The following PLXDC2 variants were observed in gnomAD, a reference collection of about 807,000 sequenced individuals.
The protein encoded by PLXDC2 is plexin domain containing 2, also known as plexin domain-containing protein 2.
A neutral mutation model predicts 68.9 loss-of-function variants in PLXDC2; 40 were observed. That is an observed-to-expected ratio of 0.58 (90% CI 0.45 to 0.76). The LOEUF (loss-of-function observed/expected upper bound fraction) is 0.76, where lower values mean the gene tolerates loss of function less well. Among genes scored for constraint, PLXDC2 ranks in the 30% least tolerant of loss-of-function variants. PLXDC2 has a pLI of 0.00. For missense variants in PLXDC2, 644 were observed against 661.9 expected, an observed-to-expected ratio of 0.97 and a Z score of 0.30; for synonymous variants, 243 against 234.2, an observed-to-expected ratio of 1.04 and a Z score of -0.34.
At chr10:20,173,155 T>C (rs10508616) in intron 7 of PLXDC2, among the ~76,000 whole-genome samples, 19,584 of 152,186 alleles carry the variant, frequency 0.13, 1,658 homozygotes, top group East Asian at 0.29. Context: ...TACAGGCTAT[T>C]TCCATTAAAG....
chr10:20,009,943 G>A (rs1835084372), intron 2 of PLXDC2, among the ~76,000 whole-genome samples: 1 of 151,962 alleles, frequency 6.6e-6, no homozygotes, highest in African/African-American at 2.4e-5. Flanking sequence ...GAAAAGATGA[G>A]TTAAATTTAG....
intron 1 of PLXDC2, among the ~76,000 whole-genome samples, chr10:19,932,684 G>A (rs575826960): frequency 2.2e-4 from 33 of 152,234 alleles, no homozygotes; most frequent in African/African-American, 4.8e-4. Flanking sequence ...TCTTTGGATC[G>A]ATTATCCTCA....
chr10:20,082,113 A>C (rs551437128), intron 4 of PLXDC2, among the ~76,000 whole-genome samples: 1 of 151,118 alleles, frequency 6.6e-6, no homozygotes, highest in East Asian at 1.9e-4. Flanking sequence ...GCTAAGAGGA[A>C]CATAAGGAAA....
chr10:20,023,200 A>G (rs1015858413), intron 2 of PLXDC2, among the ~76,000 whole-genome samples: 8 of 151,528 alleles, frequency 5.3e-5, no homozygotes, highest in African/African-American at 7.3e-5. Context: ...AAGCATTAAA[A>G]AGAAATAAAA....
chr10:20,224,999 A>C (rs1253157864), intron 12 of PLXDC2, among the ~76,000 whole-genome samples: 3 of 152,172 alleles, frequency 2.0e-5, no homozygotes, highest in Non-Finnish European at 4.4e-5. Flanking sequence ...GAGATACCAA[A>C]GTTGATATGT....
chr10:19,918,043 C>T (rs1833400076), intron 1 of PLXDC2, among the ~76,000 whole-genome samples: 1 of 152,174 alleles, frequency 6.6e-6, no homozygotes, highest in African/African-American at 2.4e-5. Context: ...TCACTGCATT[C>T]AGCAGTTTTG....
chr10:20,186,427 A>T (rs1183292690), intron 9 of PLXDC2, among the ~76,000 whole-genome samples: 1 of 151,846 alleles, frequency 6.6e-6, no homozygotes, highest in African/African-American at 2.4e-5. Flanking sequence ...TTTAACTTTT[A>T]TTTTAGGTAA....
intron 13 of PLXDC2, among the ~76,000 whole-genome samples, chr10:20,278,042 A>G (rs1836031128): frequency 6.6e-6 from 1 of 152,200 alleles, no homozygotes; most frequent in Non-Finnish European, 1.5e-5. Flanking sequence ...TTAAGGCTGA[A>G]GAGTACTCCT....
intron 6 of PLXDC2, among the ~76,000 whole-genome samples, chr10:20,149,289 A>G (rs1349433765): frequency 3.6e-5 from 4 of 111,432 alleles, no homozygotes; most frequent in African/African-American, 1.4e-4. Flanking sequence ...CCCAGGCTGG[A>G]GTGCAATGGC....
At chr10:19,890,902 C>G (rs1383671712) in intron 1 of PLXDC2, among the ~76,000 whole-genome samples, 1 of 151,890 alleles carries the variant, frequency 6.6e-6, no homozygotes, top group African/African-American at 2.4e-5. Flanking sequence ...CTTGTAGAAG[C>G]CTAGAATACA....
In PLXDC2 at chr10:19,982,388, A is replaced by G. The variant is rs78659476; in HGVS notation, c.113-19387A>G. Among the ~76,000 whole-genome samples the G allele has an allele frequency of 9.5e-3, 1,446 of 152,244 alleles. 9 individuals carry two copies. Among genetic ancestry groups the G allele is most frequent in the Non-Finnish European group, 0.017 (1,141 of 68,006 alleles). ...CTAGTATTGCAGTATCCTCCGTCAA[A>G]CACCTTCACAGTCTTTCTTCTAGGA... is the stretch of plus-strand genomic sequence containing the variant. On this transcript the variant is annotated intron_variant, in intron 1 of 13. Coordinates refer to ENST00000377252, the MANE Select transcript of PLXDC2 (RefSeq NM_032812.9).
At chr10:20,188,061 A>C (rs927002385) in intron 9 of PLXDC2, among the ~76,000 whole-genome samples, 5 of 151,718 alleles carry the variant, frequency 3.3e-5, no homozygotes, top group African/African-American at 1.2e-4. Flanking sequence ...AGTGATAATA[A>C]AAGGATATTT....
At chr10:19,844,234 C>G (rs75935460) in intron 1 of PLXDC2, among the ~76,000 whole-genome samples, 1 of 152,052 alleles carries the variant, frequency 6.6e-6, no homozygotes, top group African/African-American at 2.4e-5. Flanking sequence ...AAAAATTAGT[C>G]GGATTTTTAG....
chr10:20,284,330 T>TATATATATATATATATATATATATAC lies in PLXDC2; in HGVS notation c.*4512_*4513insTATATATATATATATATATATATACA, dbSNP rs1484131963. On this transcript the variant is annotated 3_prime_UTR_variant, in exon 14 of 14. Coordinates refer to ENST00000377252, the MANE Select transcript of PLXDC2 (RefSeq NM_032812.9). Reference sequence around the variant, plus strand: ...AAATATACATATATATATATATATATACACACACACACACACACACACAAA... The same window carrying TATATATATATATATATATATATATAC: ...AAATATACATATATATATATATATATATATATATATATATATATATATATACACACACACACACACACACACACAAA... 1.4e-3 allele frequency: 174 copies of TATATATATATATATATATATATATAC among 126,218 alleles called. 1 individual carries two copies. Among genetic ancestry groups the TATATATATATATATATATATATATAC allele is most frequent in the Middle Eastern group, 4.0e-3 (1 of 252 alleles). The allele number at this position is 126,218 out of a possible 1,614,324, so 7.8% of individuals were successfully genotyped here.
chr10:19,883,970 T>C (rs1837790903), intron 1 of PLXDC2, among the ~76,000 whole-genome samples: 1 of 141,902 alleles, frequency 7.0e-6, no homozygotes, highest in Non-Finnish European at 1.5e-5. Context: ...TGATCTCGGC[T>C]CACTGCAGCC....
intron 1 of PLXDC2, among the ~76,000 whole-genome samples, chr10:19,930,397 C>T (rs1005299300): frequency 6.6e-6 from 1 of 152,084 alleles, no homozygotes; most frequent in African/African-American, 2.4e-5. Flanking sequence ...GCTTTGTGAT[C>T]TTAGCATAAT....
chr10:19,842,206 A>G (rs1405658690), intron 1 of PLXDC2, among the ~76,000 whole-genome samples: 2 of 152,128 alleles, frequency 1.3e-5, no homozygotes, highest in Admixed American at 6.5e-5. Flanking sequence ...ATAAATGATA[A>G]TATTTACAGG....
chr10:20,122,051 G>A (rs984420130), intron 4 of PLXDC2, among the ~76,000 whole-genome samples: 2 of 151,868 alleles, frequency 1.3e-5, no homozygotes, highest in Non-Finnish European at 2.9e-5. Flanking sequence ...GGAGGCTTTG[G>A]ATTGGGAAGA....
At chr10:20,266,794 G>A (rs16920188) in intron 13 of PLXDC2, among the ~76,000 whole-genome samples, 2,287 of 152,164 alleles carry the variant, frequency 0.015, 49 homozygotes, top group African/African-American at 0.048. Flanking sequence ...TAACAATATA[G>A]GCGCTCCAGA....
Sources: gnomAD v4.1 joint callset for allele counts (sites outside exome capture counted in the v4.1 genomes callset) on GRCh38, gnomAD v4.1.1 for gene constraint, MANE v1.5 for transcripts, NCBI Gene and HGNC (gene_info 2026-07-23, HGNC 2026-07-21) for gene names.